Variants in SPON1 observed in about 807,000 individuals in gnomAD.
SPON1 encodes the protein spondin-1.
A neutral mutation model predicts 111.7 loss-of-function variants in SPON1; 52 were observed. The ratio of observed to expected loss-of-function variants is 0.47; its 90% CI spans 0.37 to 0.59. The LOEUF (loss-of-function observed/expected upper bound fraction) is 0.59. Ranked by LOEUF, SPON1 falls within the 20% of genes least tolerant of loss-of-function variation. The probability of loss-of-function intolerance (pLI) is 0.00; values close to 1 mark genes in which losing one functional copy is unlikely to be tolerated. For synonymous variants in SPON1, 410 were observed against 395.8 expected (o/e 1.04, Z -0.43); for missense variants, 957 against 1,068.5 (o/e 0.90, Z 1.46).
Position 13,996,970 on chromosome 11 carries a change from A to G in SPON1, c.345+14017A>G, listed in dbSNP as rs1848277652. Among the ~76,000 whole-genome samples the G allele has an allele frequency of 2.0e-5, 3 of 152,324 alleles. No individual in the cohort carries two copies. The South Asian group carries it at 6.2e-4, about 32-fold the overall frequency. ...CTAATTTTCTTTTCTTTACTTTTAT[A>G]TAAAACACTGCAGTGAACACCGTAA... is the stretch of plus-strand genomic sequence containing the variant. On this transcript the variant is annotated intron_variant, in intron 2 of 15. Coordinates refer to ENST00000576479, the MANE Select transcript of SPON1 (RefSeq NM_006108.4).
At chr11:13,978,413 G>A (rs1026637780) in intron 1 of SPON1, among the ~76,000 whole-genome samples, 4 of 152,126 alleles carry the variant, frequency 2.6e-5, no homozygotes, top group African/African-American at 4.8e-5. Context: ...CGTCAACTCC[G>A]CACTGGTCAC....
At chr11:14,120,743 T>C (rs1849298638) in intron 5 of SPON1, among the ~76,000 whole-genome samples, 1 of 152,302 alleles carries the variant, frequency 6.6e-6, no homozygotes, top group Non-Finnish European at 1.5e-5. Context: ...TATTAATATT[T>C]AAAATAACCA....
intron 2 of SPON1, among the ~76,000 whole-genome samples, chr11:13,997,676 G>A (rs1554911955): frequency 6.6e-6 from 1 of 152,200 alleles, no homozygotes; most frequent in Non-Finnish European, 1.5e-5. Flanking sequence ...CAACTCCACA[G>A]GTGAGGAGAG....
At chr11:14,153,433 A>G (rs564143902) in intron 6 of SPON1, among the ~76,000 whole-genome samples, 1 of 152,282 alleles carries the variant, frequency 6.6e-6, no homozygotes, top group African/African-American at 2.4e-5. Context: ...ATAAGGCTGG[A>G]GCAGGAGGAA....
chr11:14,160,780 TTTTATATATA>T (rs1564919477), intron 6 of SPON1, among the ~76,000 whole-genome samples: 4 of 31,350 alleles, frequency 1.3e-4, no homozygotes, highest in African/African-American at 3.7e-4. Flanking sequence ...TTATATATAT[TTTTATATATA>T]TTTATATATT....
At chr11:14,101,641 G>T (rs1554924384) in intron 5 of SPON1, among the ~76,000 whole-genome samples, 1 of 151,274 alleles carries the variant, frequency 6.6e-6, no homozygotes, top group Non-Finnish European at 1.5e-5. Flanking sequence ...CTACCTCACT[G>T]CTGCCTTTAA....
At chr11:14,194,609 A>G (rs2133893599) in intron 6 of SPON1, among the ~76,000 whole-genome samples, 1 of 151,738 alleles carries the variant, frequency 6.6e-6, no homozygotes, top group South Asian at 2.1e-4. Flanking sequence ...GTGTATTTAC[A>G]CTCGCTCATC....
chr11:14,092,921 G>A lies in SPON1; in HGVS notation c.676+12900G>A, dbSNP rs1849070662. On this transcript the variant is annotated intron_variant, in intron 5 of 15. Coordinates refer to ENST00000576479, the MANE Select transcript of SPON1 (RefSeq NM_006108.4). ...TCCTGACTCCTTTTTGCCTTCCTCT[G>A]TAGGCTATTAGGAGGCCATCAATCT... is the stretch of plus-strand genomic sequence containing the variant. 5.3e-5 allele frequency among the ~76,000 whole-genome samples: 8 copies of A among 152,262 alleles called. No homozygotes were observed. The South Asian group carries it at 1.7e-3, about 32-fold the overall frequency.
intron 5 of SPON1, among the ~76,000 whole-genome samples, chr11:14,127,823 G>T (rs535711211): frequency 6.5e-4 from 99 of 152,280 alleles, no homozygotes; most frequent in Middle Eastern, 3.4e-3. Flanking sequence ...CCGCATGGCT[G>T]GGGAGGCCTC....
chr11:14,019,309 AT>A (rs1848464408), intron 2 of SPON1, among the ~76,000 whole-genome samples: 1 of 151,946 alleles, frequency 6.6e-6, no homozygotes, highest in African/African-American at 2.4e-5. Context: ...ACTTAACCTT[AT>A]AGAGTAGTTG....
chr11:14,224,503 T>A (rs1446919298), intron 6 of SPON1, among the ~76,000 whole-genome samples: 1 of 152,212 alleles, frequency 6.6e-6, no homozygotes, highest in East Asian at 1.9e-4. Context: ...TGGAGGACCC[T>A]GGGTTCAGAG....
chr11:13,996,711 G>GTA (rs145375464), intron 2 of SPON1, among the ~76,000 whole-genome samples: 4,343 of 145,198 alleles, frequency 0.03, 88 homozygotes, highest in Middle Eastern at 0.043. Context: ...ACCTATGTGT[G>GTA]TATATATATA....
intron 6 of SPON1, among the ~76,000 whole-genome samples, chr11:14,225,446 T>C (rs1394808025): frequency 5.9e-5 from 9 of 152,158 alleles, no homozygotes; most frequent in Non-Finnish European, 1.3e-4. Context: ...AAATGCTTGA[T>C]TGAATTAGAA....
rs1440265474 is a variant in SPON1, at chr11:14,160,649, T to A, written c.825+25081T>A. ...TATATTTATATATATTTACATATAT[T>A]TATATATTTATATATATATTTACAT... On this transcript the variant is annotated intron_variant, in intron 6 of 15. Transcript: ENST00000576479. 1.3e-4 allele frequency among the ~76,000 whole-genome samples: 2 copies of A among 15,052 alleles called. 1 individual carries two copies. Among genetic ancestry groups the A allele is most frequent in the Non-Finnish European group, 2.2e-4 (2 of 9,092 alleles). 9.9% of individuals were successfully genotyped at this position (15,052 alleles called of 152,430 possible). A position where few individuals can be genotyped will look rare whatever the true frequency, so the allele number is the denominator to read the frequency against.
At chr11:14,030,048 G>C (rs1470341266) in intron 2 of SPON1, among the ~76,000 whole-genome samples, 2 of 152,166 alleles carry the variant, frequency 1.3e-5, no homozygotes, top group African/African-American at 4.8e-5. Context: ...GACAAGAGCT[G>C]GTATCTCAGT....
intron 3 of SPON1, among the ~76,000 whole-genome samples, chr11:14,043,200 C>T (rs1554917488): frequency 6.6e-6 from 1 of 152,164 alleles, no homozygotes; most frequent in East Asian, 1.9e-4. Context: ...CCATTACTAG[C>T]ATTTGGCAGA....
intron 5 of SPON1, among the ~76,000 whole-genome samples, chr11:14,122,830 T>C (rs1847407912): frequency 6.6e-6 from 1 of 152,196 alleles, no homozygotes; most frequent in African/African-American, 2.4e-5. Flanking sequence ...AAAGTTCTTG[T>C]ACGTTAGTTC....
rs1591368681 is a variant in SPON1 at position 14,075,516 on chromosome 11, C to T, written c.553+98C>T. On this transcript the variant is annotated intron_variant, in intron 4 of 15. Transcript: ENST00000576479. ...TGCAAGAATTAAGGCCCCTGGGCTT[C>T]GTGAGTTCCTCTGGGTTCTGCTTCC... 3.2e-5 allele frequency: 27 copies of T among 855,952 alleles called. No individual in the cohort carries two copies. The East Asian group carries it at 6.4e-4, about 20-fold the overall frequency. The allele number at this position is 855,952 out of a possible 1,614,324, so 53.0% of individuals were successfully genotyped here.
At position 14,259,733 on chromosome 11, in the gene SPON1, G is replaced by T; in HGVS notation, c.1831+32G>T. The T allele has an allele frequency of 6.4e-7, 1 of 1,555,108 alleles. No individual in the cohort carries two copies. Among genetic ancestry groups the T allele is most frequent in the Non-Finnish European group, 8.7e-7 (1 of 1,149,248 alleles). ...GAGAGCGGGGGTGGACTTGGAGGAG[G>T]CCACTGGGGACAGGCGTGGAGGGCC... On this transcript the variant is annotated intron_variant, in intron 13 of 15. Transcript: ENST00000576479. The surrounding 1 kb of genome is among the most constrained non-coding windows in gnomAD (Gnocchi z 5.0).
Sources: allele counts gnomAD v4.1 joint callset (sites outside exome capture counted in the v4.1 genomes callset), GRCh38; gene constraint gnomAD v4.1.1; non-coding constraint Gnocchi (gnomAD v3.1); transcripts MANE v1.5; gene names NCBI Gene and HGNC (gene_info 2026-07-23, HGNC 2026-07-21).